CLEC4E: variants seen among roughly 807,000 people sequenced by gnomAD.
CLEC4E encodes the protein C-type lectin domain family 4 member E.
Under a neutral mutation model 24.7 loss-of-function variants are expected in CLEC4E, and 21 were observed. The ratio of observed to expected loss-of-function variants is 0.85; its 90% confidence interval spans 0.60 to 1.22. The LOEUF (loss-of-function observed/expected upper bound fraction) is 1.22, where lower values mean the gene tolerates loss of function less well. Ranked by LOEUF, CLEC4E falls within the 50% of genes most tolerant of loss-of-function variation. The pLI, the probability that CLEC4E is intolerant of heterozygous loss-of-function variation, is 0.00. For synonymous variants in CLEC4E, 94 were observed against 85.7 expected (o/e 1.10, Z -0.54); for missense variants, 249 against 254.1 (o/e 0.98, Z 0.14).
At chr12:8,537,353 T>A in intron 3 of CLEC4E, 87 bp from the exon 4 acceptor site, 1 of 1,263,794 alleles carries the variant, frequency 7.9e-7, no homozygotes, top group Non-Finnish European at 1.1e-6. Flanking sequence ...AGTCCTCATT[T>A]AAGTCAGAAG....
chr12:8,538,651 T>C (rs111490783), intron 3 of CLEC4E, among the ~76,000 whole-genome samples: 228 of 152,336 alleles, frequency 1.5e-3, no homozygotes, highest in African/African-American at 5.3e-3. Flanking sequence ...CTCTCGTCTC[T>C]GGACACAGGG....
chr12:8,540,881 T>A lies in CLEC4E; in HGVS notation c.-84A>T, dbSNP rs1489476648. 1 of 911,998 alleles carries A rather than the reference T, an allele frequency of 1.1e-6. No individual in the cohort carries two copies. The highest frequency in any genetic ancestry group is 1.6e-5 in the African/African-American group (1 of 61,288). The allele number at this position is 911,998 out of a possible 1,614,324, so 56.5% of individuals were successfully genotyped here. On this transcript the variant is annotated 5_prime_UTR_variant, in exon 1 of 6. Transcript: ENST00000299663. Reference sequence around the variant, plus strand: ...TTTCTTTCTCCTCAGGAGTGTTTTGTTGGTAAGATTCAGGGAGAATGAATC... The same window carrying A: ...TTTCTTTCTCCTCAGGAGTGTTTTGATGGTAAGATTCAGGGAGAATGAATC...
Position 8,534,676 on chromosome 12 carries a change from C to T in CLEC4E, c.622G>A (p.Val208Ile), listed in dbSNP as rs763221133. Residue 208 changes from valine to isoleucine, a missense_variant, in exon 6 of 6, where the codon GTA (valine) becomes ATA (isoleucine). Val to Ile is a conservative substitution (Grantham distance 29). Transcript: ENST00000299663. Reference sequence around the variant, plus strand: ...CCTTTGTTCAAAGGATTTATTCCTACCATTTCACAAATCCGAAAATAATTG... The same window carrying T: ...CCTTTGTTCAAAGGATTTATTCCTATCATTTCACAAATCCGAAAATAATTG... ...FLNYFRICEMVGINPLNKGKS... is the reference protein window; with the variant it reads ...FLNYFRICEMIGINPLNKGKS... 2 of 1,613,780 alleles carry T rather than the reference C, an allele frequency of 1.2e-6. No individual in the cohort carries two copies. The highest frequency in any genetic ancestry group is 1.7e-6 in the Non-Finnish European group (2 of 1,179,810).
At chr12:8,540,061 G>A (rs1343084128) in intron 1 of CLEC4E, 114 bp from the exon 2 acceptor site, 2 of 722,250 alleles carry the variant, frequency 2.8e-6, no homozygotes, top group African/African-American at 3.5e-5. Flanking sequence ...TGTTTGTACT[G>A]AGTAATTCCC....
rs753651378 is a variant in CLEC4E at position 8,537,243 on chromosome 12, AT to A, written c.243del (p.Leu82Ter). ...CTGGATTGAAAATATTCCCAGTTCA[AT>A]GGACAACAATTCTTGACTGAACCTA... ...YGSGSVKNCC[P>X]LNWEYFQSSC... On this transcript the variant is annotated frameshift_variant, in exon 4 of 6. Transcript: ENST00000299663. LOFTEE classifies it high-confidence loss of function. 32 of 1,613,692 alleles carry A rather than the reference AT, an allele frequency of 2.0e-5. No individual in the cohort carries two copies. The African/African-American group carries it at 3.6e-4, about 18-fold the overall frequency.
At chr12:8,535,697 T>A (rs759018148) in intron 5 of CLEC4E, among the ~76,000 whole-genome samples, 1 of 152,322 alleles carries the variant, frequency 6.6e-6, no homozygotes, top group Admixed American at 6.5e-5. Flanking sequence ...TAAAAAATGC[T>A]ATGTTCTAAT....
intron 1 of CLEC4E, among the ~76,000 whole-genome samples, chr12:8,540,155 T>G (rs1476815069): frequency 6.6e-6 from 1 of 152,198 alleles, no homozygotes; most frequent in Admixed American, 6.5e-5. Flanking sequence ...AGCAACTCAG[T>G]AGAGTTTGTA....
At chr12:8,539,670 C>T (rs1940668603) in intron 2 of CLEC4E, among the ~76,000 whole-genome samples, 185 bp downstream of exon 2, 1 of 151,816 alleles carries the variant, frequency 6.6e-6, no homozygotes, top group African/African-American at 2.4e-5. Context: ...GATTAAAATT[C>T]AGAAACAGTT....
rs768065710 is a variant in CLEC4E at position 8,534,774 on chromosome 12, G to A, written c.524C>T (p.Thr175Ile). 5.6e-6 allele frequency: 9 copies of A among 1,613,908 alleles called. No homozygotes were observed. The East Asian group carries it at 1.6e-4, about 28-fold the overall frequency. Residue 175 changes from threonine to isoleucine, a missense_variant, in exon 6 of 6, where the codon ACC becomes ATC. Coordinates refer to ENST00000299663, the MANE Select transcript of CLEC4E (RefSeq NM_014358.4). ...WDVGEPNNIA[T>I]LEDCATMRDS... Reference sequence around the variant, plus strand: ...TCTCATGGTGGCACAGTCCTCCAGGGTAGCTATGTTGTTGGGCTCCCCTAC... The same window carrying A: ...TCTCATGGTGGCACAGTCCTCCAGGATAGCTATGTTGTTGGGCTCCCCTAC...
intron 5 of CLEC4E, 76 bp from the exon 6 acceptor site, chr12:8,534,885 C>T (rs1940592413): frequency 1.6e-6 from 2 of 1,253,930 alleles, no homozygotes; most frequent in African/African-American, 3.0e-5. Flanking sequence ...AGGCAAATTA[C>T]ATTTGTGTTA....
At chr12:8,537,445 G>A (rs1005128050) in intron 3 of CLEC4E, among the ~76,000 whole-genome samples, 179 bp from the exon 4 acceptor site, 1 of 152,200 alleles carries the variant, frequency 6.6e-6, no homozygotes, top group Non-Finnish European at 1.5e-5. Context: ...TAAACAGAAT[G>A]TTTTTGGTCT....
chr12:8,536,630 AT>A (rs200839687), intron 4 of CLEC4E, among the ~76,000 whole-genome samples: 51 of 151,640 alleles, frequency 3.4e-4, no homozygotes, highest in African/African-American at 4.6e-4. Context: ...TTATCTACTG[AT>A]TTTTTTTTGT....
Position 8,534,704 on chromosome 12 carries a change from G to T in CLEC4E, c.594C>A (p.Phe198Leu), listed in dbSNP as rs775252361. 2 of 1,613,730 alleles carry T rather than the reference G, an allele frequency of 1.2e-6. No individual in the cohort carries two copies. Residue 198 changes from phenylalanine (F) to leucine (L), a missense_variant, in exon 6 of 6, where the codon TTC (phenylalanine) becomes TTA (leucine). Physicochemically the swap from Phe to Leu is conservative, Grantham distance 22 (BLOSUM62 0). Transcript: ENST00000299663. Reference sequence around the variant, plus strand: ...TTTCACAAATCCGAAAATAATTGAGGAAACAGGTTACATCATTCCAATTTT... The same window carrying T: ...TTTCACAAATCCGAAAATAATTGAGTAAACAGGTTACATCATTCCAATTTT... The part of the protein sequence containing the change: ...PRQNWNDVTC[F>L]LNYFRICEMV...
intron 3 of CLEC4E, 77 bp downstream of exon 3, chr12:8,539,140 A>C: frequency 1.0e-6 from 1 of 1,000,016 alleles, no homozygotes. Flanking sequence ...GCTATATCTC[A>C]CCTGTCCCAA....
rs749317295 is a variant in CLEC4E, at chr12:8,534,618, T to C, written c.*20A>G. On this transcript the variant is annotated 3_prime_UTR_variant, in exon 6 of 6. Transcript: ENST00000299663. ...TTCTTGCTCTTCCTTCTTTACACATTTGAGTTGTGCCTTCTGTTCTTAAAG... is the reference window on the plus strand; with the variant it reads ...TTCTTGCTCTTCCTTCTTTACACATCTGAGTTGTGCCTTCTGTTCTTAAAG... The C allele has an allele frequency of 2.4e-5, 39 of 1,600,954 alleles. No individual in the cohort carries two copies. In the South Asian group the frequency reaches 3.8e-4, roughly 16 times the overall value.
At position 8,540,750 on chromosome 12, in the gene CLEC4E, G is replaced by T; in HGVS notation, c.37+11C>A. 6.2e-7 allele frequency: 1 copy of T among 1,607,468 alleles called. No individual in the cohort carries two copies. Among genetic ancestry groups the T allele is most frequent in the Non-Finnish European group, 8.5e-7 (1 of 1,174,392 alleles). ...GATCTATGGAAGGAAAGGAAGAGTT[G>T]CAGATTTTACCTGTGCATTGTGTTT... On this transcript the variant is annotated intron_variant, in intron 1 of 5. Transcript: ENST00000299663.
Position 8,539,902 on chromosome 12 carries a change from C to G in CLEC4E, c.83G>C (p.Gly28Ala). The G allele has an allele frequency of 6.2e-7, 1 of 1,612,712 alleles. No homozygotes were observed. Among genetic ancestry groups the G allele is most frequent in the Non-Finnish European group, 8.5e-7 (1 of 1,178,778 alleles). ...GGCACTGAGAAATAGGATGGGGATC[C>G]CAGCAACAGTCCATAAGAACATTTG... is the stretch of plus-strand genomic sequence containing the variant. ...SSQMFLWTVA[G>A]IPILFLSACF... Residue 28 changes from glycine (G) to alanine (A), a missense_variant, in exon 2 of 6, where the codon GGG (glycine) becomes GCG (alanine). Transcript: ENST00000299663.
At position 8,537,974 on chromosome 12, in the gene CLEC4E, C is replaced by T. The variant is rs111364286; in HGVS notation, c.221-708G>A. Among the ~76,000 whole-genome samples the T allele has an allele frequency of 2.2e-3, 341 of 152,372 alleles. 1 individual carries two copies. Among genetic ancestry groups the T allele is most frequent in the African/African-American group, 7.9e-3 (328 of 41,592 alleles). On this transcript the variant is annotated intron_variant, in intron 3 of 5. Coordinates refer to ENST00000299663, the MANE Select transcript of CLEC4E (RefSeq NM_014358.4). ...AAGAGTGCGAGCCTTCCGTTATGCC[C>T]GGACAGGGCCACCAGAGGGCTCCTT...
chr12:8,536,047 A>G (rs368409237), intron 5 of CLEC4E, 43 bp downstream of exon 5: 5 of 1,137,426 alleles, frequency 4.4e-6, no homozygotes, highest in East Asian at 4.7e-5. Flanking sequence ...TGCAGGTAAC[A>G]GAAGGAGGTT....
Sources: allele counts gnomAD v4.1 joint callset (sites outside exome capture counted in the v4.1 genomes callset), GRCh38; gene constraint gnomAD v4.1.1; transcripts MANE v1.5; gene names NCBI Gene and HGNC (gene_info 2026-07-23, HGNC 2026-07-21).